DPY19L2: variants seen among roughly 807,000 people sequenced by gnomAD.
DPY19L2 encodes the protein dpy-19 like 2, also known as probable C-mannosyltransferase DPY19L2.
Under a neutral mutation model 97.9 loss-of-function variants are expected in DPY19L2, and 34 were observed. The observed-to-expected ratio is 0.35, with a 90% CI of 0.26 to 0.46. DPY19L2 has a LOEUF of 0.46. Among genes scored for constraint, DPY19L2 ranks in the 20% least tolerant of loss-of-function variants. DPY19L2 has a pLI of 1.00. For synonymous variants in DPY19L2, 230 were observed against 307.9 expected, an observed-to-expected ratio of 0.75 and a Z score of 2.65; for missense variants, 623 against 911.4, an observed-to-expected ratio of 0.68 and a Z score of 4.07.
At position 63,600,678 on chromosome 12, in the gene DPY19L2, AG is replaced by A. The variant is rs1885004524; in HGVS notation, c.1279-293del. 2.0e-5 allele frequency among the ~76,000 whole-genome samples: 3 copies of A among 151,220 alleles called. No individual in the cohort carries two copies. The South Asian group carries it at 6.3e-4, about 32-fold the overall frequency. ...ATAGCCAAGAAAGAAAGAAGGAAAA[AG>A]AAAACAGCTCCCCGTACAGAGACAG... On this transcript the variant is annotated intron_variant, in intron 12 of 21. Transcript: ENST00000324472.
intron 20 of DPY19L2, 107 bp downstream of exon 20, chr12:63,570,650 TG>T (rs1555180960): frequency 1.6e-5 from 2 of 121,446 alleles, no homozygotes; most frequent in Non-Finnish European, 2.4e-5. Flanking sequence ...GATGAGTTTG[TG>T]TGTGTGTGTG....
chr12:63,631,245 CA>C (rs1392834364), intron 6 of DPY19L2, among the ~76,000 whole-genome samples: 3 of 151,992 alleles, frequency 2.0e-5, no homozygotes, highest in Non-Finnish European at 2.9e-5. Context: ...GATAGAGACA[CA>C]AAAACCCCTT....
At chr12:63,589,494 A>G (rs1264483566) in intron 16 of DPY19L2, among the ~76,000 whole-genome samples, 2 of 151,826 alleles carry the variant, frequency 1.3e-5, no homozygotes, top group African/African-American at 4.8e-5. Context: ...TGACATTTGG[A>G]AAAAAGATTT....
intron 16 of DPY19L2, among the ~76,000 whole-genome samples, chr12:63,592,821 G>C (rs1205857157): frequency 1.3e-5 from 2 of 152,072 alleles, no homozygotes; most frequent in Non-Finnish European, 2.9e-5. Flanking sequence ...CTTCTGCACA[G>C]CAAAAGAAAC....
chr12:63,573,591 T>C (rs1175437003), intron 19 of DPY19L2, among the ~76,000 whole-genome samples: 1 of 152,100 alleles, frequency 6.6e-6, no homozygotes, highest in East Asian at 1.9e-4. Context: ...CACAAGGTTA[T>C]AGAACACCAA....
At chr12:63,636,977 T>C (rs142483742) in intron 6 of DPY19L2, among the ~76,000 whole-genome samples, 2,040 of 152,244 alleles carry the variant, frequency 0.013, 24 homozygotes, top group Non-Finnish European at 0.021. Flanking sequence ...ATCAACAAAA[T>C]ATACATTCTT....
chr12:63,583,089 CAACTAGT>C (rs997684367), intron 17 of DPY19L2, among the ~76,000 whole-genome samples: 69 of 152,230 alleles, frequency 4.5e-4, no homozygotes, highest in African/African-American at 1.5e-3. Flanking sequence ...TAGGGATGCT[CAACTAGT>C]AACTACACTG....
intron 13 of DPY19L2, 135 bp from the exon 14 acceptor site, chr12:63,598,045 A>G (rs185591423): frequency 4.0e-5 from 22 of 549,346 alleles, no homozygotes; most frequent in African/African-American, 3.7e-4. Context: ...TCCCTCTAAG[A>G]AAACAAAAAA....
chr12:63,605,956 T>C (rs1885974837), intron 12 of DPY19L2, among the ~76,000 whole-genome samples: 1 of 152,164 alleles, frequency 6.6e-6, no homozygotes, highest in South Asian at 2.1e-4. Context: ...ATTTTTCTAT[T>C]TATATCTTAG....
intron 14 of DPY19L2, among the ~76,000 whole-genome samples, chr12:63,596,854 G>T (rs1239008970): frequency 6.6e-6 from 1 of 152,202 alleles, no homozygotes; most frequent in Non-Finnish European, 1.5e-5. Context: ...ATCTTGGCTT[G>T]TGTGTGCTTT....
intron 6 of DPY19L2, among the ~76,000 whole-genome samples, chr12:63,634,297 A>C (rs538335473): frequency 6.6e-6 from 1 of 152,166 alleles, no homozygotes; most frequent in South Asian, 2.1e-4. Context: ...AATGATGGTA[A>C]TAACATGTAA....
intron 16 of DPY19L2, among the ~76,000 whole-genome samples, chr12:63,587,543 T>C (rs1303138466): frequency 1.4e-5 from 2 of 142,394 alleles, no homozygotes; most frequent in Non-Finnish European, 1.5e-5. Flanking sequence ...AGAAACTAGT[T>C]AGACATTTTT....
At chr12:63,609,846 G>GT (rs1377434038) in intron 11 of DPY19L2, among the ~76,000 whole-genome samples, 1 of 152,100 alleles carries the variant, frequency 6.6e-6, no homozygotes, top group Non-Finnish European at 1.5e-5. Context: ...TTCCAATTTT[G>GT]TATCATTTAG....
At chr12:63,635,579 G>A (rs1013686950) in intron 6 of DPY19L2, among the ~76,000 whole-genome samples, 3 of 152,092 alleles carry the variant, frequency 2.0e-5, no homozygotes, top group African/African-American at 4.8e-5. Context: ...AAACAGTGTA[G>A]AGAAGACCTT....
At chr12:63,563,512 C>T (rs964582690) in intron 21 of DPY19L2, among the ~76,000 whole-genome samples, 7 of 152,110 alleles carry the variant, frequency 4.6e-5, no homozygotes, top group African/African-American at 1.4e-4. Flanking sequence ...GACTATGATG[C>T]GCGATGATGC....
chr12:63,638,693 G>A (rs1284015870), intron 6 of DPY19L2, among the ~76,000 whole-genome samples: 12 of 152,216 alleles, frequency 7.9e-5, no homozygotes, highest in African/African-American at 1.9e-4. Context: ...ACTGCTCAAC[G>A]AAATCAAAGA....
At chr12:63,591,100 A>G (rs1370325733) in intron 16 of DPY19L2, 3 of 455,932 alleles carry the variant, frequency 6.6e-6, no homozygotes, top group Non-Finnish European at 1.3e-5. Context: ...TTAGAATGCC[A>G]AGACACATTT....
At chr12:63,666,245 G>A (rs1455930610) in intron 1 of DPY19L2, among the ~76,000 whole-genome samples, 4 of 152,006 alleles carry the variant, frequency 2.6e-5, no homozygotes, top group Non-Finnish European at 4.4e-5. Context: ...TTCTAACCAA[G>A]ACGAACCACT....
chr12:63,592,064 GCAAGA>G (rs1454700933), intron 16 of DPY19L2, among the ~76,000 whole-genome samples: 6 of 64,178 alleles, frequency 9.3e-5, no homozygotes, highest in Admixed American at 2.2e-4. Context: ...GGAAGGGAAG[GCAAGA>G]GAAGACAAGA....
Sources: allele counts gnomAD v4.1 joint callset (sites outside exome capture counted in the v4.1 genomes callset), GRCh38; gene constraint gnomAD v4.1.1; transcripts MANE v1.5; gene names NCBI Gene and HGNC (gene_info 2026-07-23, HGNC 2026-07-21).